The following TCF4 variants were observed in gnomAD, a reference collection of about 807,000 sequenced individuals.
TCF4 encodes transcription factor 4.
Under a neutral mutation model 82.1 loss-of-function variants are expected in TCF4, and 3 were observed. The ratio of observed to expected loss-of-function variants is 0.04; its 90% confidence interval spans 0.02 to 0.09. The LOEUF (loss-of-function observed/expected upper bound fraction) is 0.09, where lower values mean the gene tolerates loss of function less well. Among genes scored for constraint, TCF4 ranks in the 10% least tolerant of loss-of-function variants. TCF4 has a pLI of 1.00. For missense variants in TCF4, 518 were observed against 852.7 expected, an observed-to-expected ratio of 0.61 and a Z score of 4.89; for synonymous variants, 276 against 309.6, an observed-to-expected ratio of 0.89 and a Z score of 1.14.
At chr18:55,503,798 G>C (rs768544403) in intron 3 of TCF4, among the ~76,000 whole-genome samples, 11 of 152,162 alleles carry the variant, frequency 7.2e-5, no homozygotes, top group African/African-American at 2.4e-4. Context: ...CTAATGGCCG[G>C]GCACTGTGGC....
chr18:55,345,210 T>C (rs2080894906), intron 8 of TCF4, among the ~76,000 whole-genome samples: 3 of 152,006 alleles, frequency 2.0e-5, no homozygotes. Flanking sequence ...AAGATTCTCC[T>C]ATATTTTTTC....
chr18:55,502,158 T>C (rs1164067316), intron 3 of TCF4, among the ~76,000 whole-genome samples: 5 of 152,238 alleles, frequency 3.3e-5, no homozygotes, highest in Non-Finnish European at 7.3e-5. Flanking sequence ...CAGGAATGCA[T>C]GACGATGAAA....
At chr18:55,318,697 AT>A (rs1390409166) in intron 8 of TCF4, among the ~76,000 whole-genome samples, 1 of 152,178 alleles carries the variant, frequency 6.6e-6, no homozygotes, top group South Asian at 2.1e-4. Flanking sequence ...ACAAGGAAAA[AT>A]TTTTTTGTGG....
chr18:55,309,063 T>G (rs1287855602), intron 8 of TCF4, among the ~76,000 whole-genome samples: 1 of 152,138 alleles, frequency 6.6e-6, no homozygotes, highest in East Asian at 1.9e-4. Flanking sequence ...TTTTAAAGTT[T>G]TATTTAATTC....
In TCF4 at chr18:55,228,040, GA is replaced by G; in HGVS notation, c.*5-11del. On this transcript the variant is annotated splice_polypyrimidine_tract_variant and intron_variant, in intron 19 of 19. Coordinates refer to ENST00000354452, the MANE Select transcript of TCF4 (RefSeq NM_001083962.2). ...ATGTGGCAACTTGGACCTGAGAAAG[GA>G]AAAAAGAGAGAAAAAATTCATTAAT... The G allele has an allele frequency of 1.3e-6, 1 of 757,152 alleles. No homozygotes were observed. The highest frequency in any genetic ancestry group is 2.0e-6 in the Non-Finnish European group (1 of 489,384). The allele number at this position is 757,152 out of a possible 1,614,324, so 46.9% of individuals were successfully genotyped here. A position where few individuals can be genotyped will look rare whatever the true frequency, so the allele number is the denominator to read the frequency against.
At chr18:55,323,505 A>G (rs2076058681) in intron 8 of TCF4, among the ~76,000 whole-genome samples, 2 of 152,164 alleles carry the variant, frequency 1.3e-5, no homozygotes. Flanking sequence ...GAAGGCCCAG[A>G]GGTTTGTCTA....
At chr18:55,320,850 T>C (rs2075313166) in intron 8 of TCF4, 1 of 152,308 alleles carries the variant, frequency 6.6e-6, no homozygotes, top group Non-Finnish European at 1.5e-5. Flanking sequence ...AATATTGAAA[T>C]CCTTTTCCTT....
At chr18:55,564,592 A>G (rs563447774) in intron 3 of TCF4, among the ~76,000 whole-genome samples, 1 of 152,332 alleles carries the variant, frequency 6.6e-6, no homozygotes, top group East Asian at 1.9e-4. Context: ...ATCTAGGTGC[A>G]TGGCAGTGTC....
intron 5 of TCF4, among the ~76,000 whole-genome samples, chr18:55,444,575 G>A (rs1186140502): frequency 6.6e-6 from 1 of 152,220 alleles, no homozygotes. Context: ...AGGGAAAAAT[G>A]AGTATTTCAG....
At chr18:55,539,776 T>C (rs369128907) in intron 3 of TCF4, among the ~76,000 whole-genome samples, 7 of 152,084 alleles carry the variant, frequency 4.6e-5, no homozygotes, top group African/African-American at 1.4e-4. Context: ...TAAGTTTGAA[T>C]GGGAATCAAA....
intron 6 of TCF4, among the ~76,000 whole-genome samples, chr18:55,380,566 T>C (rs543250330): frequency 2.0e-5 from 3 of 152,232 alleles, no homozygotes; most frequent in Admixed American, 6.5e-5. Context: ...GGTTTCAACA[T>C]ATGAATTTGG....
intron 15 of TCF4, among the ~76,000 whole-genome samples, chr18:55,235,811 A>AT (rs5825130): frequency 4.6e-5 from 7 of 151,594 alleles, no homozygotes; most frequent in South Asian, 4.2e-4. Flanking sequence ...AATCAGGTTT[A>AT]TTTTTTTTTC....
chr18:55,336,182 C>G (rs934092771), intron 8 of TCF4, among the ~76,000 whole-genome samples: 1 of 151,964 alleles, frequency 6.6e-6, no homozygotes, highest in African/African-American at 2.4e-5. Flanking sequence ...ACATTTCCAT[C>G]CTATGTTTGA....
intron 3 of TCF4, among the ~76,000 whole-genome samples, chr18:55,500,813 C>T (rs2096689872): frequency 6.6e-6 from 1 of 152,118 alleles, no homozygotes; most frequent in Non-Finnish European, 1.5e-5. Context: ...TGGTTCTCCC[C>T]CATATGCCAC....
At chr18:55,521,064 A>G (rs1352908142) in intron 3 of TCF4, among the ~76,000 whole-genome samples, 2 of 152,164 alleles carry the variant, frequency 1.3e-5, no homozygotes, top group African/African-American at 4.8e-5. Flanking sequence ...AAATGGTGAC[A>G]TTCCTATCAA....
intron 3 of TCF4, among the ~76,000 whole-genome samples, chr18:55,490,763 C>T (rs942318543): frequency 2.0e-5 from 3 of 152,168 alleles, no homozygotes; most frequent in Non-Finnish European, 4.4e-5. Context: ...ATGACCTGAC[C>T]ATTCCACATA....
chr18:55,528,406 C>T (rs1366006200), intron 3 of TCF4, among the ~76,000 whole-genome samples: 1 of 152,176 alleles, frequency 6.6e-6, no homozygotes, highest in Non-Finnish European at 1.5e-5. Context: ...ACCCAGAAGT[C>T]TCTATAATAT....
intron 6 of TCF4, among the ~76,000 whole-genome samples, chr18:55,358,672 C>CTTGT (rs2084237954): frequency 6.6e-6 from 1 of 152,246 alleles, no homozygotes; most frequent in African/African-American, 2.4e-5. Flanking sequence ...CTTCTGTAAA[C>CTTGT]TTGTTTTTTC....
intron 15 of TCF4, among the ~76,000 whole-genome samples, chr18:55,250,028 T>C (rs1470431450): frequency 6.6e-6 from 1 of 152,202 alleles, no homozygotes; most frequent in East Asian, 1.9e-4. Flanking sequence ...TGGAGGTCTC[T>C]GAGGCAGAGA....
Sources: gnomAD v4.1 joint callset for allele counts (sites outside exome capture counted in the v4.1 genomes callset) on GRCh38, gnomAD v4.1.1 for gene constraint, MANE v1.5 for transcripts, NCBI Gene and HGNC (gene_info 2026-07-23, HGNC 2026-07-21) for gene names.